The following GRIK3 variants were observed in gnomAD, a reference collection of about 807,000 sequenced individuals.
The protein encoded by GRIK3 is glutamate ionotropic receptor kainate type subunit 3, also known as glutamate receptor ionotropic, kainate 3.
Under a neutral mutation model 102.5 loss-of-function variants are expected in GRIK3, and 29 were observed. That is an observed-to-expected ratio of 0.28 (90% CI 0.21 to 0.39). The LOEUF is 0.39. GRIK3 is among the 10% of genes least tolerant of loss of function. The pLI is 1.00. For synonymous variants in GRIK3, 511 were observed against 504.9 expected (o/e 1.01, Z -0.16); for missense variants, 908 against 1,252.4 (o/e 0.73, Z 4.15).
rs549520607 is a variant in GRIK3 at position 36,920,947 on chromosome 1, C to T, written c.116-29851G>A. 6.7e-4 allele frequency among the ~76,000 whole-genome samples: 102 copies of T among 152,360 alleles called. 2 individuals are homozygous for T. Among genetic ancestry groups the T allele is most frequent in the Middle Eastern group, 6.8e-3 (2 of 294 alleles). The stretch of plus-strand genomic sequence containing the variant: ...CTGCCTCCCGCCCCCTCCATGCATA[C>T]TGGCTGTTAGGATTCTGGAGGAGGC... On this transcript the variant is annotated intron_variant, in intron 1 of 15. Transcript: ENST00000373091.
At chr1:36,844,652 A>G (rs1167523454) in intron 9 of GRIK3, among the ~76,000 whole-genome samples, 1 of 152,252 alleles carries the variant, frequency 6.6e-6, no homozygotes, top group African/African-American at 2.4e-5. Flanking sequence ...GGAAAATAAT[A>G]GAACCTGCCT....
In GRIK3 at chr1:36,797,985, C is replaced by CA. The variant is rs1642387348; in HGVS notation, c.*3865dup. 1 of 152,270 alleles carries CA rather than the reference C, an allele frequency of 6.6e-6. No individual in the cohort carries two copies. The highest frequency in any genetic ancestry group is 2.1e-4 in the South Asian group (1 of 4,824). The allele number at this position is 152,270 out of a possible 1,614,324, so 9.4% of individuals were successfully genotyped here. A position where few individuals can be genotyped will look rare whatever the true frequency, so the allele number is the denominator to read the frequency against. ...TGGGGGTGGAGCCAGAGTGTGCTTC[C>CA]AGGTTAGATAGAGTCTCGGCTGTGA... On this transcript the variant is annotated 3_prime_UTR_variant, in exon 16 of 16. Coordinates refer to ENST00000373091, the MANE Select transcript of GRIK3 (RefSeq NM_000831.4).
At chr1:36,940,339 A>T (rs1641705611) in intron 1 of GRIK3, among the ~76,000 whole-genome samples, 1 of 152,244 alleles carries the variant, frequency 6.6e-6, no homozygotes. Flanking sequence ...AACTTCTGGA[A>T]GGATACTCTA....
chr1:36,817,306 C>T (rs1319119670), intron 12 of GRIK3, 29 bp from the exon 13 acceptor site: 6 of 1,455,902 alleles, frequency 4.1e-6, no homozygotes, highest in Non-Finnish European at 5.8e-6. Flanking sequence ...TAGTCAGTCC[C>T]TTACAACATC....
rs548660844 is a variant in GRIK3, at chr1:36,833,949, A to G, written c.1530+7787T>C. On this transcript the variant is annotated intron_variant, in intron 10 of 15. Coordinates refer to ENST00000373091, the MANE Select transcript of GRIK3 (RefSeq NM_000831.4). ...CTCGAGTCTCCAAGATCTTCCCCCA[A>G]AGTTTCCTGGGATGGGTCACAGTGA... is the stretch of plus-strand genomic sequence containing the variant. 7.2e-5 allele frequency among the ~76,000 whole-genome samples: 11 copies of G among 152,128 alleles called. No homozygotes were observed. The East Asian group carries it at 2.1e-3, about 29-fold the overall frequency.
chr1:36,817,397 G>T, intron 12 of GRIK3, 120 bp from the exon 13 acceptor site: 2 of 688,676 alleles, frequency 2.9e-6, no homozygotes, highest in Non-Finnish European at 2.5e-6. Context: ...CCCAAGACCA[G>T]TGGTTCTCAA....
intron 1 of GRIK3, among the ~76,000 whole-genome samples, chr1:36,999,807 T>C (rs529238408): frequency 6.6e-6 from 1 of 152,264 alleles, no homozygotes; most frequent in East Asian, 1.9e-4. Context: ...CTATTTCTTA[T>C]CCCTGCTTAC....
At chr1:36,943,633 C>T (rs1276904633) in intron 1 of GRIK3, among the ~76,000 whole-genome samples, 1 of 152,196 alleles carries the variant, frequency 6.6e-6, no homozygotes, top group East Asian at 1.9e-4. Flanking sequence ...CCAGAAAACT[C>T]CTGACAAAAG....
chr1:36,981,094 A>C (rs1406985033), intron 1 of GRIK3, among the ~76,000 whole-genome samples: 1 of 152,230 alleles, frequency 6.6e-6, no homozygotes, highest in African/African-American at 2.4e-5. Flanking sequence ...AGATGGAGAA[A>C]CTGAGGCTCA....
intron 13 of GRIK3, 59 bp downstream of exon 13, chr1:36,817,001 A>T (rs748205016): frequency 1.0e-5 from 12 of 1,203,548 alleles, no homozygotes; most frequent in Non-Finnish European, 1.2e-5. Context: ...TCTTCTGCTC[A>T]GTAAAGGGTC....
chr1:37,000,628 A>G (rs1194868610), intron 1 of GRIK3, among the ~76,000 whole-genome samples: 2 of 152,184 alleles, frequency 1.3e-5, no homozygotes, highest in Non-Finnish European at 2.9e-5. Flanking sequence ...AATAAACTCT[A>G]TTTTACAGAA....
intron 1 of GRIK3, among the ~76,000 whole-genome samples, chr1:36,893,542 GC>G (rs1487232319): frequency 2.0e-5 from 3 of 152,194 alleles, no homozygotes; most frequent in African/African-American, 7.2e-5. Context: ...CATGGCTCCA[GC>G]TTTGGTGCGG....
At position 36,891,091 on chromosome 1, in the gene GRIK3, T is replaced by C; in HGVS notation, c.121A>G (p.Ile41Val). 6.2e-7 allele frequency: 1 copy of C among 1,611,310 alleles called. No homozygotes were observed. Among genetic ancestry groups the C allele is most frequent in the Non-Finnish European group, 8.5e-7 (1 of 1,178,292 alleles). The change falls in exon 2 of 16, where the codon ATC becomes GTC. Residue 41 changes from isoleucine (I) to valine (V), a missense_variant. Ile to Val is a conservative substitution (Grantham distance 29, BLOSUM62 3). This residue lies in a region of GRIK3 where 585 missense variants were observed against 824.9 expected (regional missense o/e 0.71). Transcript: ENST00000373091. ...TTGGGGCCGTCCGCATACTCGAAGATTCCTCCTGTGAAAGATGAGTAAAAT... is the reference window on the plus strand; with the variant it reads ...TTGGGGCCGTCCGCATACTCGAAGACTCCTCCTGTGAAAGATGAGTAAAAT... The part of the protein sequence containing the change: ...GMPHVIRIGG[I>V]FEYADGPNAQ...
intron 1 of GRIK3, among the ~76,000 whole-genome samples, chr1:36,966,766 C>A (rs1467868836): frequency 7.0e-6 from 1 of 142,842 alleles, no homozygotes; most frequent in African/African-American, 3.0e-5. Context: ...ATACAGACCA[C>A]CCCCCCAACC....
chr1:36,804,894 T>C (rs1427826957), intron 15 of GRIK3, 93 bp downstream of exon 15: 4 of 1,445,444 alleles, frequency 2.8e-6, no homozygotes, highest in East Asian at 4.6e-5. Flanking sequence ...GAGGCTGAGA[T>C]GAGACACCAC....
chr1:36,999,380 C>T (rs140380771), intron 1 of GRIK3, among the ~76,000 whole-genome samples: 5 of 152,024 alleles, frequency 3.3e-5, no homozygotes, highest in Non-Finnish European at 2.9e-5. Context: ...AGTCGGGAGC[C>T]GGGTTGGGGA....
chr1:36,955,706 T>C (rs560483433), intron 1 of GRIK3, among the ~76,000 whole-genome samples: 1 of 152,366 alleles, frequency 6.6e-6, no homozygotes, highest in East Asian at 1.9e-4. Context: ...AGAAACACCC[T>C]GGCACATGCT....
chr1:36,933,592 C>T (rs778974015), intron 1 of GRIK3, among the ~76,000 whole-genome samples: 1 of 152,218 alleles, frequency 6.6e-6, no homozygotes, highest in African/African-American at 2.4e-5. Context: ...TTAATCCACT[C>T]ACCGACAACT....
intron 1 of GRIK3, among the ~76,000 whole-genome samples, chr1:36,938,534 C>T (rs1014248803): frequency 6.6e-6 from 1 of 152,164 alleles, no homozygotes; most frequent in Non-Finnish European, 1.5e-5. Context: ...CCTGGACTGA[C>T]TCTAAAAGAT....
Sources: gnomAD v4.1 joint callset for allele counts (sites outside exome capture counted in the v4.1 genomes callset) on GRCh38, gnomAD v4.1.1 for gene constraint, gnomAD v4.1.1 regional missense constraint, MANE v1.5 for transcripts, NCBI Gene and HGNC (gene_info 2026-07-23, HGNC 2026-07-21) for gene names.